The following SLC5A10 variants were observed in gnomAD, a reference collection of about 807,000 sequenced individuals.
SLC5A10 encodes sodium/mannose cotransporter SLC5A10.
Under a neutral mutation model 68.9 loss-of-function variants are expected in SLC5A10, and 55 were observed. That is an observed-to-expected ratio of 0.80 (90% CI 0.64 to 1.00). SLC5A10 has a LOEUF of 1.00. SLC5A10 is among the 50% of genes least tolerant of loss of function. The pLI is 0.00. For missense variants in SLC5A10, 732 were observed against 819.3 expected (o/e 0.89, Z 1.30); for synonymous variants, 344 against 344.8 (o/e 1.00, Z 0.02).
chr17:18,983,077 GA>G (rs1431863787), intron 9 of SLC5A10, among the ~76,000 whole-genome samples: 1 of 152,236 alleles, frequency 6.6e-6, no homozygotes, highest in Non-Finnish European at 1.5e-5. Context: ...AGGAGGGATG[GA>G]CTGCCCAGGG....
At chr17:18,977,731 C>T (rs752126627) in intron 9 of SLC5A10, 17 of 1,607,774 alleles carry the variant, frequency 1.1e-5, no homozygotes, top group Admixed American at 1.7e-5. Context: ...GCTGCCGGCG[C>T]GGTGGTGGGG....
At chr17:19,019,199 TTAGAGTCA>T (rs564096940) in intron 11 of SLC5A10, 76 of 570,820 alleles carry the variant, frequency 1.3e-4, no homozygotes, top group Non-Finnish European at 2.2e-4. Context: ...CAGACAGCAC[TTAGAGTCA>T]GGAGCTGCAC....
chr17:18,961,208 G>T (rs1351346428), intron 5 of SLC5A10, among the ~76,000 whole-genome samples: 1 of 152,260 alleles, frequency 6.6e-6, no homozygotes, highest in Non-Finnish European at 1.5e-5. Flanking sequence ...ACTTTACAGA[G>T]AGGGAAACTA....
chr17:18,971,829 G>T lies in SLC5A10; in HGVS notation c.846+611G>T. 1.4e-6 allele frequency: 2 copies of T among 1,462,584 alleles called. No homozygotes were observed. Among genetic ancestry groups the T allele is most frequent in the Non-Finnish European group, 1.8e-6 (2 of 1,097,166 alleles). 90.6% of individuals were successfully genotyped at this position (1,462,584 alleles called of 1,614,324 possible). Reference sequence around the variant, plus strand: ...GCACAGGACCCTGCTCAGGCACACAGGAGCCGGCAGGCCCGGGTTCGCCTC... The same window carrying T: ...GCACAGGACCCTGCTCAGGCACACATGAGCCGGCAGGCCCGGGTTCGCCTC... On this transcript the variant is annotated intron_variant, in intron 8 of 14. Transcript: ENST00000395645. The surrounding 1 kb of genome is among the most constrained non-coding windows in gnomAD (Gnocchi z 5.5).
At position 19,020,612 on chromosome 17, in the gene SLC5A10, G is replaced by A. The variant is rs2044248809; in HGVS notation, c.*181G>A. The A allele has an allele frequency of 3.4e-6, 2 of 593,688 alleles. No homozygotes were observed. Among genetic ancestry groups the A allele is most frequent in the Non-Finnish European group, 3.0e-6 (1 of 334,264 alleles). The allele number at this position is 593,688 out of a possible 1,614,324, so 36.8% of individuals were successfully genotyped here. A position where few individuals can be genotyped will look rare whatever the true frequency, so the allele number is the denominator to read the frequency against. ...CTGAAAAATTAGGGGGGAAATGGGA[G>A]AAAATAATGTGACATTTCAAAAACA... On this transcript the variant is annotated 3_prime_UTR_variant, in exon 15 of 15. Transcript: ENST00000395645.
At position 19,012,795 on chromosome 17, in the gene SLC5A10, C is replaced by G. The variant is rs117498764; in HGVS notation, c.983-615C>G. Among the ~76,000 whole-genome samples, 771 of 152,266 alleles carry G rather than the reference C, an allele frequency of 5.1e-3. 2 individuals are homozygous for G. Among genetic ancestry groups the G allele is most frequent in the Middle Eastern group, 0.01 (3 of 294 alleles). ...AATAGCCTGGCGTAAAGCTTGGACC[C>G]CAGGGTTGGAGACAGGGGTGTGGAT... On this transcript the variant is annotated intron_variant, in intron 9 of 14. Coordinates refer to ENST00000395645, the MANE Select transcript of SLC5A10 (RefSeq NM_001042450.4).
At chr17:19,012,453 C>T (rs1597908984) in intron 9 of SLC5A10, among the ~76,000 whole-genome samples, 1 of 152,392 alleles carries the variant, frequency 6.6e-6, no homozygotes. Flanking sequence ...ACGAGGCAAA[C>T]CCCGTCCTCT....
intron 9 of SLC5A10, among the ~76,000 whole-genome samples, chr17:19,010,711 G>A (rs2043996040): frequency 6.6e-6 from 1 of 152,192 alleles, no homozygotes; most frequent in Non-Finnish European, 1.5e-5. Context: ...GGTCCTCCGA[G>A]TGCCAGTCAG....
intron 5 of SLC5A10, among the ~76,000 whole-genome samples, 155 bp downstream of exon 5, chr17:18,960,807 C>T (rs1297886666): frequency 6.6e-6 from 1 of 152,202 alleles, no homozygotes; most frequent in Non-Finnish European, 1.5e-5. Flanking sequence ...CCCAGGGTCA[C>T]GCAGCGAGTC....
intron 9 of SLC5A10, among the ~76,000 whole-genome samples, chr17:18,998,634 A>G (rs1422522666): frequency 6.6e-6 from 1 of 152,148 alleles, no homozygotes; most frequent in Non-Finnish European, 1.5e-5. Flanking sequence ...CTCTCCTTAG[A>G]GCTCCTTCCT....
Position 19,004,593 on chromosome 17 carries a change from C to A in SLC5A10, c.983-8817C>A, listed in dbSNP as rs931133950. 1.3e-5 allele frequency: 2 copies of A among 152,034 alleles called. No individual in the cohort carries two copies. The highest frequency in any genetic ancestry group is 4.8e-5 in the African/African-American group (2 of 41,420). 9.4% of individuals were successfully genotyped at this position (152,034 alleles called of 1,614,324 possible). A position where few individuals can be genotyped will look rare whatever the true frequency, so the allele number is the denominator to read the frequency against. On this transcript the variant is annotated intron_variant, in intron 9 of 14. Coordinates refer to ENST00000395645, the MANE Select transcript of SLC5A10 (RefSeq NM_001042450.4). This position sits in a 1 kb window ranked among gnomAD's most constrained non-coding sequence, Gnocchi z 5.4. The stretch of plus-strand genomic sequence containing the variant: ...TCCGGGTGCCGGCAACCCAGGAGGC[C>A]TGCCCGGAGGAGGCTGGGGCTCTGG...
intron 9 of SLC5A10, among the ~76,000 whole-genome samples, chr17:19,010,084 T>C (rs1486978231): frequency 6.6e-6 from 1 of 151,942 alleles, no homozygotes; most frequent in African/African-American, 2.4e-5. Flanking sequence ...AGGGCCTTAA[T>C]TGGAGCCTGT....
Position 19,004,139 on chromosome 17 carries a change from C to A in SLC5A10, c.983-9271C>A. 5 of 1,215,882 alleles carry A rather than the reference C, an allele frequency of 4.1e-6. No homozygotes were observed. The South Asian group carries it at 7.5e-5, about 18-fold the overall frequency. 75.3% of individuals were successfully genotyped at this position (1,215,882 alleles called of 1,614,324 possible). A position where few individuals can be genotyped will look rare whatever the true frequency, so the allele number is the denominator to read the frequency against. On this transcript the variant is annotated intron_variant, in intron 9 of 14. Coordinates refer to ENST00000395645, the MANE Select transcript of SLC5A10 (RefSeq NM_001042450.4). The surrounding 1 kb of genome is among the most constrained non-coding windows in gnomAD (Gnocchi z 5.4). ...GGCACCGCGCGCTCGGGGGCCTCTCCGCGGCCTCTGCTTCTCTGCCCATGA... is the reference window on the plus strand; with the variant it reads ...GGCACCGCGCGCTCGGGGGCCTCTCAGCGGCCTCTGCTTCTCTGCCCATGA...
rs753343153 is a variant in SLC5A10 at position 19,019,792 on chromosome 17, C to G, written c.1490C>G (p.Pro497Arg). ...LVLEFLNPAP[P>R]CGEPDTRPAV... ...CTGGAATTCCTGAACCCAGCCCCAC[C>G]GTGCGGAGAGCCAGACACGCGGCCA... The change falls in exon 13 of 15, where the codon CCG becomes CGG. Residue 497 changes from proline to arginine, a missense_variant. By Grantham distance (103) the Pro-to-Arg change is moderately radical. Coordinates refer to ENST00000395645, the MANE Select transcript of SLC5A10 (RefSeq NM_001042450.4). 4 of 1,613,134 alleles carry G rather than the reference C, an allele frequency of 2.5e-6. No homozygotes were observed. Among genetic ancestry groups the G allele is most frequent in the Non-Finnish European group, 3.4e-6 (4 of 1,179,810 alleles).
At chr17:18,990,915 A>G (rs2043405450) in intron 9 of SLC5A10, among the ~76,000 whole-genome samples, 1 of 152,178 alleles carries the variant, frequency 6.6e-6, no homozygotes, top group African/African-American at 2.4e-5. Context: ...AGCTGGGATC[A>G]CAGTCCATGA....
intron 5 of SLC5A10, among the ~76,000 whole-genome samples, chr17:18,965,632 G>A (rs994333556): frequency 2.0e-5 from 3 of 152,168 alleles, no homozygotes; most frequent in East Asian, 1.9e-4. Flanking sequence ...TGCAGAGCCC[G>A]CCAGATCAGT....
intron 9 of SLC5A10, chr17:18,978,241 GC>G: frequency 2.5e-6 from 4 of 1,593,586 alleles, no homozygotes; most frequent in Non-Finnish European, 3.4e-6. Context: ...CTGGGGGAGG[GC>G]AAGGCTCTGG....
intron 11 of SLC5A10, 26 bp from the exon 12 acceptor site, chr17:19,019,397 G>GCTGC (rs1003072286): frequency 1.2e-5 from 19 of 1,597,102 alleles, no homozygotes; most frequent in Non-Finnish European, 1.6e-5. Flanking sequence ...CACGACGACC[G>GCTGC]CTGCCTGCCT....
chr17:19,010,811 C>T (rs2043997559), intron 9 of SLC5A10, among the ~76,000 whole-genome samples: 1 of 152,178 alleles, frequency 6.6e-6, no homozygotes, highest in Non-Finnish European at 1.5e-5. Flanking sequence ...GCCATGGGGC[C>T]CCCGGCTCTG....
Sources: allele counts gnomAD v4.1 joint callset (sites outside exome capture counted in the v4.1 genomes callset), GRCh38; gene constraint gnomAD v4.1.1; non-coding constraint Gnocchi (gnomAD v3.1); transcripts MANE v1.5; gene names NCBI Gene and HGNC (gene_info 2026-07-23, HGNC 2026-07-21).